The following TSBP1 variants were observed in gnomAD, a reference collection of about 807,000 sequenced individuals.
TSBP1 encodes the protein testis expressed basic protein 1.
A neutral mutation model predicts 68.8 loss-of-function variants in TSBP1; 56 were observed. The ratio of observed to expected loss-of-function variants is 0.81; its 90% CI spans 0.66 to 1.02. The LOEUF (loss-of-function observed/expected upper bound fraction) is 1.02. Among genes scored for constraint, TSBP1 ranks in the 50% least tolerant of loss-of-function variants. The pLI, the probability that TSBP1 is intolerant of heterozygous loss-of-function variation, is 0.00. For missense variants in TSBP1, 502 were observed against 641.2 expected, an observed-to-expected ratio of 0.78 and a Z score of 2.34; for synonymous variants, 171 against 208.7, an observed-to-expected ratio of 0.82 and a Z score of 1.56.
Position 32,340,257 on chromosome 6 carries a change from T to C in TSBP1, c.350-619A>G, listed in dbSNP as rs1398505339. On this transcript the variant is annotated intron_variant, in intron 9 of 22. Transcript: ENST00000612031. This position sits in a 1 kb window ranked among gnomAD's most constrained non-coding sequence, Gnocchi z 4.8. ...AATAACCAATCATATTTTAAGATGT[T>C]GAAAATTTTGCAATTTTTTTTCTTA... Among the ~76,000 whole-genome samples the C allele has an allele frequency of 6.6e-6, 1 of 152,218 alleles. No homozygotes were observed. Among genetic ancestry groups the C allele is most frequent in the Non-Finnish European group, 1.5e-5 (1 of 68,038 alleles).
At chr6:32,334,164 T>G (rs1269574768) in intron 14 of TSBP1, among the ~76,000 whole-genome samples, 1 of 152,178 alleles carries the variant, frequency 6.6e-6, no homozygotes, top group Non-Finnish European at 1.5e-5. Context: ...GTACCTTTAT[T>G]TTTATTCTCT....
chr6:32,341,664 A>C (rs1770371099), intron 9 of TSBP1, among the ~76,000 whole-genome samples: 1 of 152,196 alleles, frequency 6.6e-6, no homozygotes, highest in East Asian at 1.9e-4. Context: ...TTGTGGCCTG[A>C]GTTGGGATAG....
chr6:32,295,334 TCA>T (rs201473295), intron 22 of TSBP1, among the ~76,000 whole-genome samples: 4 of 97,488 alleles, frequency 4.1e-5, no homozygotes, highest in African/African-American at 3.8e-5. Flanking sequence ...ATACTCCATC[TCA>T]CACACACACA....
intron 9 of TSBP1, among the ~76,000 whole-genome samples, chr6:32,345,245 A>G (rs78730788): frequency 0.083 from 12,026 of 145,704 alleles, 769 homozygotes; most frequent in East Asian, 0.1. Context: ...TAGTTTCCCT[A>G]TGTGCTCCCT....
chr6:32,349,017 G>A (rs1771381836), intron 9 of TSBP1, among the ~76,000 whole-genome samples: 1 of 152,126 alleles, frequency 6.6e-6, no homozygotes, highest in South Asian at 2.1e-4. Context: ...CAATGATGGG[G>A]AAGGAAAAGG....
intron 18 of TSBP1, among the ~76,000 whole-genome samples, chr6:32,318,865 T>C (rs1002522025): frequency 6.6e-6 from 1 of 152,164 alleles, no homozygotes; most frequent in African/African-American, 2.4e-5. Flanking sequence ...GTGAATATAC[T>C]AAAAAGCATT....
At chr6:32,350,275 G>T (rs181155795) in intron 8 of TSBP1, 4 of 424,160 alleles carry the variant, frequency 9.4e-6, no homozygotes, top group Admixed American at 8.7e-5. Context: ...AATAGCAAGA[G>T]ACCAAATCAG....
intron 16 of TSBP1, among the ~76,000 whole-genome samples, chr6:32,330,157 T>G (rs1768791818): frequency 6.6e-6 from 1 of 152,192 alleles, no homozygotes; most frequent in Non-Finnish European, 1.5e-5. Context: ...AGACCCTGCA[T>G]AGTATTTCCT....
chr6:32,370,013 C>G, intron 1 of TSBP1, 30 bp from the exon 2 acceptor site: 1 of 1,394,270 alleles, frequency 7.2e-7, no homozygotes, highest in Non-Finnish European at 1.0e-6. Flanking sequence ...TGTAAACATG[C>G]TTATTTAGAC....
chr6:32,315,773 T>TG lies in TSBP1; in HGVS notation c.578dup (p.Arg194LysfsTer28), dbSNP rs1766884691. ...CCAGCTGAGAAATAAAGAACTTACT[T>TG]GCAGTTCTCTGCGAAATTACTAAAA... On this transcript the variant is annotated frameshift_variant and splice_region_variant, in exon 19 of 23. Transcript: ENST00000612031. LOFTEE classifies it high-confidence loss of function. This position sits in a 1 kb window ranked among gnomAD's most constrained non-coding sequence, Gnocchi z 5.4. 6 of 1,514,072 alleles carry TG rather than the reference T, an allele frequency of 4.0e-6. No homozygotes were observed. The South Asian group carries it at 7.3e-5, about 18-fold the overall frequency. The allele number at this position is 1,514,072 out of a possible 1,614,324, so 93.8% of individuals were successfully genotyped here. A position where few individuals can be genotyped will look rare whatever the true frequency, so the allele number is the denominator to read the frequency against.
At chr6:32,358,051 T>C (rs921622478) in intron 6 of TSBP1, among the ~76,000 whole-genome samples, 9 of 152,138 alleles carry the variant, frequency 5.9e-5, no homozygotes, top group Non-Finnish European at 1.0e-4. Flanking sequence ...GATTTTTGGG[T>C]AGCTCACCTT....
intron 16 of TSBP1, among the ~76,000 whole-genome samples, chr6:32,328,192 G>A (rs975158107): frequency 4.6e-5 from 7 of 151,350 alleles, no homozygotes; most frequent in Admixed American, 3.3e-4. Context: ...TCTGGCTCAC[G>A]GGGCCTCCCA....
chr6:32,342,497 A>G (rs1770501382), intron 9 of TSBP1, among the ~76,000 whole-genome samples: 1 of 152,118 alleles, frequency 6.6e-6, no homozygotes, highest in African/African-American at 2.4e-5. Flanking sequence ...CTGGTTGTTG[A>G]AATTAGTTAT....
chr6:32,345,198 A>T lies in TSBP1; in HGVS notation c.349+4542T>A, dbSNP rs1288992196. Among the ~76,000 whole-genome samples the T allele has an allele frequency of 9.4e-5, 6 of 63,518 alleles. No homozygotes were observed. The South Asian group carries it at 2.0e-3, about 22-fold the overall frequency. 41.7% of individuals were successfully genotyped at this position (63,518 alleles called of 152,430 possible). ...TTTTCTTTTTCCTCTACTTGCTTTTAGGAGGTGGAGGACCTTAGTCTTGAT... is the reference window on the plus strand; with the variant it reads ...TTTTCTTTTTCCTCTACTTGCTTTTTGGAGGTGGAGGACCTTAGTCTTGAT... On this transcript the variant is annotated intron_variant, in intron 9 of 22. Coordinates refer to ENST00000612031, the Ensembl canonical transcript of TSBP1.
Position 32,294,049 on chromosome 6 carries a change from A to G in TSBP1, c.638-14T>C. 1.2e-6 allele frequency: 2 copies of G among 1,602,544 alleles called. No individual in the cohort carries two copies. The highest frequency in any genetic ancestry group is 1.7e-6 in the Non-Finnish European group (2 of 1,178,280). The stretch of plus-strand genomic sequence containing the variant: ...CTGTTAATATAACTGAGCATACAAC[A>G]AAAGGGCGTGATTTAGATATCAAGT... On this transcript the variant is annotated splice_polypyrimidine_tract_variant and intron_variant, in intron 22 of 22. Transcript: ENST00000612031.
intron 22 of TSBP1, among the ~76,000 whole-genome samples, chr6:32,295,346 A>ACC (rs1764583982): frequency 4.7e-5 from 4 of 85,580 alleles, no homozygotes; most frequent in Admixed American, 1.1e-4. Flanking sequence ...ACACACACAC[A>ACC]CACAAAAAAA....
intron 19 of TSBP1, among the ~76,000 whole-genome samples, chr6:32,310,761 A>ATATATATATATATTTTTTTTTTTTTTTT: frequency 2.1e-5 from 3 of 144,832 alleles, no homozygotes; most frequent in Non-Finnish European, 4.5e-5. Context: ...ATATATATAT[A>ATATATATATATATTTTTTTTTTTTTTTT]TTTTTAATCT....
chr6:32,359,255 C>A (rs2127645931), intron 6 of TSBP1, among the ~76,000 whole-genome samples: 1 of 152,150 alleles, frequency 6.6e-6, no homozygotes, highest in East Asian at 1.9e-4. Flanking sequence ...AGTTTACAGC[C>A]CCACCAACAG....
At chr6:32,301,963 ATC>A (rs1491489467) in intron 20 of TSBP1, among the ~76,000 whole-genome samples, 2,503 of 113,588 alleles carry the variant, frequency 0.022, 64 homozygotes, top group East Asian at 0.15. Flanking sequence ...AGTTGAAATC[ATC>A]ATCATAATAA....
Sources: allele counts gnomAD v4.1 joint callset (sites outside exome capture counted in the v4.1 genomes callset), GRCh38; gene constraint gnomAD v4.1.1; non-coding constraint Gnocchi (gnomAD v3.1); transcripts MANE v1.5; gene names NCBI Gene and HGNC (gene_info 2026-07-23, HGNC 2026-07-21).